The following SAXO1 variants were observed in gnomAD, a reference collection of about 807,000 sequenced individuals.
The protein encoded by SAXO1 is 4930500O09Rik.
A neutral mutation model predicts 17.5 loss-of-function variants in SAXO1; 21 were observed. The observed-to-expected ratio is 1.20, with a 90% CI of 0.85 to 1.72. The LOEUF (loss-of-function observed/expected upper bound fraction) is 1.72. Ranked by LOEUF, SAXO1 falls within the 40% of genes most tolerant of loss-of-function variation. The probability of loss-of-function intolerance (pLI) is 0.00; values close to 1 mark genes in which losing one functional copy is unlikely to be tolerated. For missense variants in SAXO1, 843 were observed against 596.0 expected (o/e 1.41, Z -4.32); for synonymous variants, 274 against 216.5 (o/e 1.27, Z -2.33).
intron 1 of SAXO1, among the ~76,000 whole-genome samples, chr9:18,988,459 G>T (rs1263082773): frequency 6.6e-6 from 1 of 152,146 alleles, no homozygotes; most frequent in African/African-American, 2.4e-5. Context: ...AGACATTTAG[G>T]AATGTCTTTA....
intron 3 of SAXO1, among the ~76,000 whole-genome samples, chr9:18,937,340 G>C (rs1831343696): frequency 6.6e-6 from 1 of 152,154 alleles, no homozygotes; most frequent in Non-Finnish European, 1.5e-5. Context: ...TGGAGCCCTT[G>C]TAAACAATGG....
intron 1 of SAXO1, among the ~76,000 whole-genome samples, chr9:19,019,929 C>T (rs1835154082): frequency 6.6e-6 from 1 of 151,910 alleles, no homozygotes; most frequent in Non-Finnish European, 1.5e-5. Context: ...ACGTTATTAT[C>T]CATCTATCTC....
At chr9:19,039,237 G>A (rs1836017153) in intron 1 of SAXO1, among the ~76,000 whole-genome samples, 1 of 152,082 alleles carries the variant, frequency 6.6e-6, no homozygotes, top group Non-Finnish European at 1.5e-5. Flanking sequence ...AATACAAGGT[G>A]GTTTTAATAT....
intron 1 of SAXO1, among the ~76,000 whole-genome samples, chr9:18,955,415 T>G (rs114740979): frequency 0.017 from 2,556 of 152,224 alleles, 77 homozygotes; most frequent in African/African-American, 0.058. Flanking sequence ...TTCCAAATGC[T>G]CAACAGCCAC....
chr9:18,957,086 G>C (rs376896550), intron 1 of SAXO1, among the ~76,000 whole-genome samples: 1 of 152,132 alleles, frequency 6.6e-6, no homozygotes, highest in Non-Finnish European at 1.5e-5. Flanking sequence ...AAACCTAAGG[G>C]CAGCAATAAA....
At chr9:18,940,237 C>T (rs928203751) in intron 3 of SAXO1, among the ~76,000 whole-genome samples, 4 of 152,116 alleles carry the variant, frequency 2.6e-5, no homozygotes, top group Non-Finnish European at 4.4e-5. Flanking sequence ...GACAGGATGC[C>T]GATGTGCACA....
At chr9:18,951,360 T>C (rs898638951) in intron 1 of SAXO1, among the ~76,000 whole-genome samples, 1 of 152,156 alleles carries the variant, frequency 6.6e-6, no homozygotes, top group Non-Finnish European at 1.5e-5. Flanking sequence ...GGCTCTCCAA[T>C]AGGGCCAGCC....
At chr9:18,963,853 C>T (rs1832599112) in intron 1 of SAXO1, among the ~76,000 whole-genome samples, 1 of 152,166 alleles carries the variant, frequency 6.6e-6, no homozygotes, top group East Asian at 1.9e-4. Context: ...TGAGAGAGGG[C>T]ATCCTTGTCT....
intron 1 of SAXO1, among the ~76,000 whole-genome samples, chr9:19,045,404 G>A (rs910381897): frequency 6.8e-6 from 1 of 147,820 alleles, no homozygotes; most frequent in Non-Finnish European, 1.5e-5. Flanking sequence ...GCAATTGTCC[G>A]TCTCTCATCT....
At chr9:18,974,454 C>G (rs1833058298) in intron 1 of SAXO1, among the ~76,000 whole-genome samples, 1 of 152,036 alleles carries the variant, frequency 6.6e-6, no homozygotes, top group Non-Finnish European at 1.5e-5. Context: ...ATATTAACCT[C>G]AAGTAAAAGG....
chr9:18,935,547 G>C (rs542065257), intron 3 of SAXO1, among the ~76,000 whole-genome samples: 3 of 152,278 alleles, frequency 2.0e-5, no homozygotes, highest in African/African-American at 4.8e-5. Context: ...AACCAGGGAT[G>C]ATGAGTTGAT....
At chr9:19,023,141 CCCCCCCCA>C (rs1835317759) in intron 1 of SAXO1, among the ~76,000 whole-genome samples, 3 of 84,622 alleles carry the variant, frequency 3.5e-5, no homozygotes, top group South Asian at 1.1e-3. Flanking sequence ...CAGATTACAT[CCCCCCCCA>C]CCCCCCCGCC....
chr9:18,982,252 T>C (rs1833419635), intron 1 of SAXO1, among the ~76,000 whole-genome samples: 1 of 152,158 alleles, frequency 6.6e-6, no homozygotes, highest in Non-Finnish European at 1.5e-5. Flanking sequence ...TGGCCATTAG[T>C]CCCAGGCACC....
chr9:18,998,433 T>C (rs977037860), intron 1 of SAXO1, among the ~76,000 whole-genome samples: 1 of 151,946 alleles, frequency 6.6e-6, no homozygotes, highest in African/African-American at 2.4e-5. Flanking sequence ...TGAAAAGAAA[T>C]GAACAAAGCC....
chr9:18,962,704 C>A (rs1324935370), intron 1 of SAXO1, among the ~76,000 whole-genome samples: 2 of 152,226 alleles, frequency 1.3e-5, no homozygotes, highest in East Asian at 1.9e-4. Context: ...TGGGTATTAG[C>A]CCTTTGTCAG....
chr9:18,952,268 T>A (rs971120204), intron 1 of SAXO1, among the ~76,000 whole-genome samples: 2 of 152,228 alleles, frequency 1.3e-5, no homozygotes, highest in African/African-American at 4.8e-5. Flanking sequence ...TGGCATAGCA[T>A]TGTTTTCCCA....
At position 18,928,291 on chromosome 9, in the gene SAXO1, G is replaced by A. The variant is rs771349241; in HGVS notation, c.1186C>T (p.Pro396Ser). Residue 396 changes from proline (P) to serine (S), a missense_variant, in exon 4 of 4, where the codon CCT (proline) becomes TCT (serine). Pro to Ser is a moderately conservative substitution (Grantham distance 74, BLOSUM62 -1). Transcript: ENST00000380534. ...CTTTCCACAGGGACATTTCCTCGAG[G>A]GCCAGACCAATGAGGCTTACAGCTT... ...TKSCKPHWSGPRGNVPVESQT... is the reference protein window; with the variant it reads ...TKSCKPHWSGSRGNVPVESQT... 3.7e-6 allele frequency: 6 copies of A among 1,612,954 alleles called. No homozygotes were observed. Among genetic ancestry groups the A allele is most frequent in the Non-Finnish European group, 5.1e-6 (6 of 1,179,180 alleles).
At chr9:18,933,337 C>G (rs1030335983) in intron 3 of SAXO1, among the ~76,000 whole-genome samples, 2 of 152,042 alleles carry the variant, frequency 1.3e-5, no homozygotes, top group Non-Finnish European at 2.9e-5. Flanking sequence ...GTTACACCAA[C>G]TTTGAATTCC....
intron 1 of SAXO1, among the ~76,000 whole-genome samples, chr9:19,006,685 C>T (rs1834494700): frequency 6.6e-6 from 1 of 152,192 alleles, no homozygotes; most frequent in African/African-American, 2.4e-5. Context: ...GTTCTGGAAA[C>T]AAATAGTGGT....
Sources: gnomAD v4.1 joint callset for allele counts (sites outside exome capture counted in the v4.1 genomes callset) on GRCh38, gnomAD v4.1.1 for gene constraint, MANE v1.5 for transcripts, NCBI Gene and HGNC (gene_info 2026-07-23, HGNC 2026-07-21) for gene names.